The following UBAC2 variants were observed in gnomAD, a reference collection of about 807,000 sequenced individuals.
UBAC2 encodes UBA domain containing 2.
Under a neutral mutation model 44.0 loss-of-function variants are expected in UBAC2, and 26 were observed. The ratio of observed to expected loss-of-function variants is 0.59; its 90% CI spans 0.43 to 0.82. UBAC2 has a LOEUF of 0.82. Ranked by LOEUF, UBAC2 falls within the 40% of genes least tolerant of loss-of-function variation. The pLI is 0.00. For synonymous variants in UBAC2, 155 were observed against 154.3 expected, an observed-to-expected ratio of 1.00 and a Z score of -0.04; for missense variants, 329 against 419.4, an observed-to-expected ratio of 0.78 and a Z score of 1.88.
chr13:99,319,674 T>TAAACC (rs2044543015), intron 6 of UBAC2, among the ~76,000 whole-genome samples: 1 of 152,236 alleles, frequency 6.6e-6, no homozygotes, highest in Non-Finnish European at 1.5e-5. Flanking sequence ...ACCACAGAGC[T>TAAACC]AAACCCTATT....
intron 7 of UBAC2, among the ~76,000 whole-genome samples, chr13:99,367,006 A>G (rs1357509310): frequency 6.6e-6 from 1 of 152,268 alleles, no homozygotes; most frequent in Non-Finnish European, 1.5e-5. Flanking sequence ...AGAGATTTAA[A>G]TTAATAAATT....
chr13:99,336,939 C>T (rs2044797630), intron 6 of UBAC2, among the ~76,000 whole-genome samples: 1 of 152,040 alleles, frequency 6.6e-6, no homozygotes, highest in African/African-American at 2.4e-5. Flanking sequence ...CTCCTTCCCA[C>T]CTCCCTCCTG....
intron 5 of UBAC2, among the ~76,000 whole-genome samples, chr13:99,315,947 C>T (rs1236889217): frequency 6.6e-6 from 1 of 151,352 alleles, no homozygotes; most frequent in Non-Finnish European, 1.5e-5. Flanking sequence ...CGGTTTTTGC[C>T]ATTAAAGTAA....
In UBAC2 at chr13:99,299,072, T is replaced by C. The variant is rs566986551; in HGVS notation, c.390-15025T>C. Among the ~76,000 whole-genome samples, 5 of 152,320 alleles carry C rather than the reference T, an allele frequency of 3.3e-5. No homozygotes were observed. In the South Asian group the frequency reaches 1.0e-3, roughly 32 times the overall value. ...TGCAAATCCTCCATATGAATAATTA[T>C]TATTGTAGAAATTAGGAAAGTAACA... On this transcript the variant is annotated intron_variant, in intron 4 of 8. Transcript: ENST00000403766.
intron 1 of UBAC2, among the ~76,000 whole-genome samples, chr13:99,222,887 C>G (rs1486130737): frequency 1.3e-5 from 2 of 152,184 alleles, no homozygotes; most frequent in Non-Finnish European, 2.9e-5. Flanking sequence ...AAAGTGTTCT[C>G]TATTTTTCTG....
At chr13:99,262,272 G>GA (rs1223424928) in intron 4 of UBAC2, among the ~76,000 whole-genome samples, 1 of 151,926 alleles carries the variant, frequency 6.6e-6, no homozygotes, top group Non-Finnish European at 1.5e-5. Context: ...GTATGTACAG[G>GA]AAAAAAATAG....
chr13:99,243,115 A>G (rs989299900), intron 2 of UBAC2, among the ~76,000 whole-genome samples: 8 of 152,010 alleles, frequency 5.3e-5, no homozygotes, highest in East Asian at 1.9e-4. Flanking sequence ...TGTTTTACCT[A>G]TCTCATAAGG....
At chr13:99,346,851 GTATA>G (rs1281116337) in intron 7 of UBAC2, among the ~76,000 whole-genome samples, 2 of 152,178 alleles carry the variant, frequency 1.3e-5, no homozygotes, top group East Asian at 3.8e-4. Context: ...CTTGTTTTCT[GTATA>G]TCTCCAGTGT....
intron 4 of UBAC2, among the ~76,000 whole-genome samples, chr13:99,276,738 G>A (rs2043888608): frequency 6.6e-6 from 1 of 152,276 alleles, no homozygotes; most frequent in African/African-American, 2.4e-5. Flanking sequence ...GGCTATCCAG[G>A]GGCTCTACCT....
chr13:99,229,506 G>A (rs1410802376), intron 1 of UBAC2, among the ~76,000 whole-genome samples: 1 of 152,228 alleles, frequency 6.6e-6, no homozygotes, highest in Non-Finnish European at 1.5e-5. Context: ...AGAATGTAGG[G>A]AGGTCTGGAC....
chr13:99,304,156 GC>G, intron 4 of UBAC2, among the ~76,000 whole-genome samples: 1 of 152,326 alleles, frequency 6.6e-6, no homozygotes, highest in Middle Eastern at 3.4e-3. Context: ...TTGCTGGTCA[GC>G]TTCCCCTGAT....
At chr13:99,258,450 C>G (rs576142589) in intron 4 of UBAC2, 2 of 152,268 alleles carry the variant, frequency 1.3e-5, no homozygotes, top group Middle Eastern at 3.4e-3. Flanking sequence ...TGGTTTTTCT[C>G]TTTCACAAAT....
intron 1 of UBAC2, among the ~76,000 whole-genome samples, chr13:99,237,809 G>A (rs985867054): frequency 6.6e-6 from 1 of 152,140 alleles, no homozygotes; most frequent in African/African-American, 2.4e-5. Context: ...ACAAAAATTA[G>A]CCAGGCATGG....
chr13:99,347,017 C>T (rs543821898), intron 7 of UBAC2, among the ~76,000 whole-genome samples: 2 of 152,278 alleles, frequency 1.3e-5, no homozygotes, highest in South Asian at 4.1e-4. Flanking sequence ...GTGGTTCACG[C>T]CTGTAATCCC....
chr13:99,237,934 G>A (rs1258129025), intron 1 of UBAC2, among the ~76,000 whole-genome samples: 4 of 152,188 alleles, frequency 2.6e-5, no homozygotes, highest in Non-Finnish European at 4.4e-5. Flanking sequence ...CAGTTTGGGC[G>A]ACAAAGTGAG....
chr13:99,254,075 T>C (rs1297248013), intron 4 of UBAC2, among the ~76,000 whole-genome samples: 2 of 152,232 alleles, frequency 1.3e-5, no homozygotes, highest in African/African-American at 4.8e-5. Context: ...CTACTAGTAC[T>C]ATTTATACTG....
chr13:99,235,077 G>C (rs2043218422), intron 1 of UBAC2, among the ~76,000 whole-genome samples: 1 of 152,134 alleles, frequency 6.6e-6, no homozygotes, highest in Non-Finnish European at 1.5e-5. Flanking sequence ...CAAGGCAGAG[G>C]TCACACTAGT....
At chr13:99,368,686 A>AGTGTGTGTGTGT (rs1284291833) in intron 8 of UBAC2, among the ~76,000 whole-genome samples, 5 of 82,596 alleles carry the variant, frequency 6.1e-5, no homozygotes, top group East Asian at 4.1e-4. Flanking sequence ...AACTCATGAG[A>AGTGTGTGTGTGT]GAGTGTGTGT....
chr13:99,314,196 A>G lies in UBAC2; in HGVS notation c.489A>G (p.Thr163=). ...GTCCGTTGTCCATCACAAACAAGAC[A>G]TTGATTTATATATTGGGACTGCAGG... The part of the protein sequence containing the change: ...ILGPLSITNK[T]LIYILGLQLF... Residue 163 remains threonine, a synonymous_variant, in exon 5 of 9, where the codon ACA becomes ACG. Transcript: ENST00000403766. The G allele has an allele frequency of 6.2e-7, 1 of 1,610,882 alleles. No homozygotes were observed.
Sources: gnomAD v4.1 joint callset for allele counts (sites outside exome capture counted in the v4.1 genomes callset) on GRCh38, gnomAD v4.1.1 for gene constraint, MANE v1.5 for transcripts, NCBI Gene and HGNC (gene_info 2026-07-23, HGNC 2026-07-21) for gene names.